PLCH1: variants seen among roughly 807,000 people sequenced by gnomAD.
PLCH1 encodes the protein 1-phosphatidylinositol 4,5-bisphosphate phosphodiesterase eta-1.
Under a neutral mutation model 126.7 loss-of-function variants are expected in PLCH1, and 60 were observed. The observed-to-expected ratio is 0.47, with a 90% CI of 0.38 to 0.59. The LOEUF (loss-of-function observed/expected upper bound fraction) is 0.59. Among genes scored for constraint, PLCH1 ranks in the 20% least tolerant of loss-of-function variants. The pLI is 0.00. For synonymous variants in PLCH1, 719 were observed against 734.9 expected (o/e 0.98, Z 0.35); for missense variants, 1,723 against 2,040.0 (o/e 0.84, Z 2.99).
intron 21 of PLCH1, among the ~76,000 whole-genome samples, chr3:155,467,357 TG>T (rs1712967837): frequency 1.3e-5 from 2 of 152,102 alleles, no homozygotes; most frequent in Non-Finnish European, 2.9e-5. Context: ...GTGGGTCACC[TG>T]GGCTCAAGAG....
At chr3:155,538,758 A>C (rs1723797034) in intron 10 of PLCH1, among the ~76,000 whole-genome samples, 1 of 152,132 alleles carries the variant, frequency 6.6e-6, no homozygotes, top group Admixed American at 6.5e-5. Context: ...TGCTAATAAA[A>C]AAAATTGCCA....
At position 155,619,847 on chromosome 3, in the gene PLCH1, CA is replaced by C. The variant is rs71302276; in HGVS notation, c.80-23470del. ...TTATTTCTATGGCAGATGTTTTTGT[CA>C]AAAAAAAAAAATCCATCCTATAAAC... is the stretch of plus-strand genomic sequence containing the variant. On this transcript the variant is annotated intron_variant, in intron 2 of 22. Coordinates refer to ENST00000460012, the MANE Select transcript of PLCH1 (RefSeq NM_014996.4). Among the ~76,000 whole-genome samples the C allele has an allele frequency of 3.7e-3, 528 of 142,884 alleles. 1 individual carries two copies. Among genetic ancestry groups the C allele is most frequent in the African/African-American group, 9.8e-3 (382 of 39,138 alleles). The allele number at this position is 142,884 out of a possible 152,430, so 93.7% of individuals were successfully genotyped here.
intron 6 of PLCH1, among the ~76,000 whole-genome samples, chr3:155,582,115 T>C (rs1577064948): frequency 7.8e-6 from 1 of 128,864 alleles, no homozygotes; most frequent in Non-Finnish European, 1.6e-5. Flanking sequence ...GGAGTCTCGC[T>C]CTGCCGCCCA....
intron 10 of PLCH1, among the ~76,000 whole-genome samples, chr3:155,534,495 G>A (rs528048875): frequency 6.6e-6 from 1 of 152,288 alleles, no homozygotes; most frequent in South Asian, 2.1e-4. Flanking sequence ...TAGGCAGAAG[G>A]GACTTCCCTC....
intron 2 of PLCH1, among the ~76,000 whole-genome samples, chr3:155,663,011 A>G (rs1742350554): frequency 6.6e-6 from 1 of 152,142 alleles, no homozygotes; most frequent in African/African-American, 2.4e-5. Context: ...TATAATTTAA[A>G]AAAGTATTAA....
In PLCH1 at chr3:155,566,229, A is replaced by G. The variant is rs1343784285; in HGVS notation, c.866-1111T>C. On this transcript the variant is annotated intron_variant, in intron 7 of 22. Coordinates refer to ENST00000460012, the MANE Select transcript of PLCH1 (RefSeq NM_014996.4). ...TATACACATATATACGTATATATACACATATATATACATATATATACGTAT... is the reference window on the plus strand; with the variant it reads ...TATACACATATATACGTATATATACGCATATATATACATATATATACGTAT... Among the ~76,000 whole-genome samples, 5 of 129,158 alleles carry G rather than the reference A, an allele frequency of 3.9e-5. 1 individual carries two copies. Among genetic ancestry groups the G allele is most frequent in the African/African-American group, 1.4e-4 (5 of 36,122 alleles). 84.7% of individuals were successfully genotyped at this position (129,158 alleles called of 152,430 possible).
intron 2 of PLCH1, among the ~76,000 whole-genome samples, chr3:155,681,074 G>A (rs1351369727): frequency 6.6e-6 from 1 of 151,980 alleles, no homozygotes; most frequent in Non-Finnish European, 1.5e-5. Context: ...TGAAAAAAAT[G>A]TTATCAGAGG....
At chr3:155,638,975 T>C (rs1339118526) in intron 2 of PLCH1, among the ~76,000 whole-genome samples, 7 of 151,972 alleles carry the variant, frequency 4.6e-5, no homozygotes, top group Non-Finnish European at 8.8e-5. Context: ...TATAACAGTT[T>C]CCCCCAAAAA....
intron 10 of PLCH1, among the ~76,000 whole-genome samples, chr3:155,533,561 AG>A (rs1376851968): frequency 1.3e-5 from 2 of 152,250 alleles, no homozygotes; most frequent in Non-Finnish European, 2.9e-5. Flanking sequence ...TAAAAAAGAA[AG>A]AAAAGAAAAA....
Position 155,565,025 on chromosome 3 carries a change from T to G in PLCH1, c.959A>C (p.Tyr320Ser). ...TGTATTGTGAGAGGAAGCAATGTAG[T>G]AGTTGCAGAGGGGCTGATCCATGTC... ...YQDMDQPLCNYYIASSHNTYL... is the reference protein window; with the variant it reads ...YQDMDQPLCNSYIASSHNTYL... The change falls in exon 8 of 23, where the codon TAC becomes TCC. Residue 320 changes from tyrosine (Y) to serine (S), a missense_variant. This residue lies in a region of PLCH1 where 776 missense variants were observed against 1,062.9 expected (regional missense o/e 0.73). Coordinates refer to ENST00000460012, the MANE Select transcript of PLCH1 (RefSeq NM_014996.4). 1 of 1,612,610 alleles carries G rather than the reference T, an allele frequency of 6.2e-7. No homozygotes were observed. Among genetic ancestry groups the G allele is most frequent in the Non-Finnish European group, 8.5e-7 (1 of 1,178,710 alleles).
chr3:155,659,359 A>C (rs1241959417), intron 2 of PLCH1, among the ~76,000 whole-genome samples: 3 of 101,360 alleles, frequency 3.0e-5, no homozygotes, highest in African/African-American at 1.2e-4. Context: ...ATAGGGTTTC[A>C]CTCTGTCACC....
chr3:155,661,829 G>A (rs1742189264), intron 2 of PLCH1, among the ~76,000 whole-genome samples: 1 of 152,206 alleles, frequency 6.6e-6, no homozygotes, highest in Admixed American at 6.5e-5. Flanking sequence ...CCATAAGCAA[G>A]CTCAGAGCAC....
At chr3:155,619,953 T>A (rs1040866276) in intron 2 of PLCH1, among the ~76,000 whole-genome samples, 2 of 152,218 alleles carry the variant, frequency 1.3e-5, no homozygotes, top group African/African-American at 2.4e-5. Context: ...TTTGTCCTCA[T>A]CCAAACCTTT....
chr3:155,582,716 A>T (rs908940730), intron 6 of PLCH1, among the ~76,000 whole-genome samples: 1 of 152,200 alleles, frequency 6.6e-6, no homozygotes, highest in Non-Finnish European at 1.5e-5. Context: ...CATCAACTGC[A>T]CAAAACCAAA....
intron 2 of PLCH1, among the ~76,000 whole-genome samples, chr3:155,612,534 CAA>C (rs112554702): frequency 6.7e-6 from 1 of 148,966 alleles, no homozygotes; most frequent in African/African-American, 2.4e-5. Flanking sequence ...TAACAAACAA[CAA>C]AAAAAAAAGA....
chr3:155,679,971 G>T (rs1744380535), intron 2 of PLCH1, among the ~76,000 whole-genome samples: 1 of 152,066 alleles, frequency 6.6e-6, no homozygotes, highest in South Asian at 2.1e-4. Context: ...AAAGTTTTAG[G>T]CCTGATATCG....
At chr3:155,549,651 G>A (rs3851357) in intron 10 of PLCH1, 136 bp downstream of exon 10, 95,215 of 618,892 alleles carry the variant, frequency 0.15, 8,225 homozygotes, top group Non-Finnish European at 0.18. Context: ...GGAATAAGGC[G>A]CATACATAGA....
chr3:155,531,399 C>T (rs1341963269), intron 10 of PLCH1, among the ~76,000 whole-genome samples: 1 of 152,160 alleles, frequency 6.6e-6, no homozygotes, highest in East Asian at 1.9e-4. Context: ...CCAAGGCAGG[C>T]AAATCACCTG....
rs542613494 is a variant in PLCH1, at chr3:155,618,118, G to T, written c.80-21740C>A. Among the ~76,000 whole-genome samples, 7 of 152,228 alleles carry T rather than the reference G, an allele frequency of 4.6e-5. No homozygotes were observed. The East Asian group carries it at 1.4e-3, about 29-fold the overall frequency. On this transcript the variant is annotated intron_variant, in intron 2 of 22. Transcript: ENST00000460012. Reference sequence around the variant, plus strand: ...AAATATAAGACTAAAACTTATTTTTGCAAACAAATTGGTTCTACCATGATT... The same window carrying T: ...AAATATAAGACTAAAACTTATTTTTTCAAACAAATTGGTTCTACCATGATT...
Sources: allele counts gnomAD v4.1 joint callset (sites outside exome capture counted in the v4.1 genomes callset), GRCh38; gene constraint gnomAD v4.1.1; regional missense constraint gnomAD v4.1.1; transcripts MANE v1.5; gene names NCBI Gene and HGNC (gene_info 2026-07-23, HGNC 2026-07-21).